Variants in LMO2 observed in about 807,000 individuals in gnomAD.
The protein encoded by LMO2 is rhombotin-2.
In LMO2, 20 loss-of-function variants were observed where a neutral mutation model predicts 23.2. The ratio of observed to expected loss-of-function variants is 0.86; its 90% CI spans 0.61 to 1.25. The LOEUF (loss-of-function observed/expected upper bound fraction) is 1.25, where lower values mean the gene tolerates loss of function less well. Among genes scored for constraint, LMO2 ranks in the 50% most tolerant of loss-of-function variants. LMO2 has a pLI of 0.00. For missense variants in LMO2, 270 were observed against 315.3 expected, an observed-to-expected ratio of 0.86 and a Z score of 1.09; for synonymous variants, 123 against 130.2, an observed-to-expected ratio of 0.94 and a Z score of 0.38.
chr11:33,886,774 C>T (rs993145314), intron 1 of LMO2, among the ~76,000 whole-genome samples: 7 of 152,142 alleles, frequency 4.6e-5, no homozygotes, highest in Non-Finnish European at 8.8e-5. Flanking sequence ...TTGTCTTGCT[C>T]CAAGATCCAC....
intron 2 of LMO2, 97 bp from the exon 3 acceptor site, chr11:33,870,084 TTTTTTA>T: frequency 2.2e-6 from 1 of 444,866 alleles, no homozygotes; most frequent in Non-Finnish European, 3.0e-6. Flanking sequence ...TTTTTTTTTT[TTTTTTA>T]AACGGGGCTC....
intron 1 of LMO2, among the ~76,000 whole-genome samples, chr11:33,882,154 CT>C (rs953593670): frequency 1.1e-4 from 16 of 149,728 alleles, no homozygotes; most frequent in Admixed American, 2.0e-4. Context: ...CTGCCGACTT[CT>C]TTTTTTTTTC....
Position 33,864,179 on chromosome 11 carries a change from T to G in LMO2, c.464+423A>C, listed in dbSNP as rs1856686170. Among the ~76,000 whole-genome samples, 1 of 152,186 alleles carries G rather than the reference T, an allele frequency of 6.6e-6. No homozygotes were observed. Among genetic ancestry groups the G allele is most frequent in the Non-Finnish European group, 1.5e-5 (1 of 68,044 alleles). The stretch of plus-strand genomic sequence containing the variant: ...AATACTGGAGTCATACAAAAAAAAT[T>G]TATAACATACATATATGTTCTGAAG... On this transcript the variant is annotated intron_variant, in intron 5 of 5. Coordinates refer to ENST00000257818, the MANE Select transcript of LMO2 (RefSeq NM_005574.4). This position sits in a 1 kb window ranked among gnomAD's most constrained non-coding sequence, Gnocchi z 4.8.
chr11:33,858,687 A>C lies in LMO2; in HGVS notation c.*669T>G. 5.2e-6 allele frequency: 1 copy of C among 191,668 alleles called. No individual in the cohort carries two copies. Among genetic ancestry groups the C allele is most frequent in the Non-Finnish European group, 1.1e-5 (1 of 91,762 alleles). 11.9% of individuals were successfully genotyped at this position (191,668 alleles called of 1,614,324 possible). A position where few individuals can be genotyped will look rare whatever the true frequency, so the allele number is the denominator to read the frequency against. ...ATAGTTGAACAACTTTTTAAGATTT[A>C]TATTTGTATAGAAACAATCTGTGGA... is the stretch of plus-strand genomic sequence containing the variant. On this transcript the variant is annotated 3_prime_UTR_variant, in exon 6 of 6. Transcript: ENST00000257818.
At position 33,869,538 on chromosome 11, in the gene LMO2, T is replaced by C. The variant is rs2133698679; in HGVS notation, c.56A>G (p.Glu19Gly). 7.9e-7 allele frequency: 1 copy of C among 1,259,546 alleles called. No homozygotes were observed. The highest frequency in any genetic ancestry group is 1.0e-6 in the Non-Finnish European group (1 of 991,850). 78.0% of individuals were successfully genotyped at this position (1,259,546 alleles called of 1,614,324 possible). The stretch of plus-strand genomic sequence containing the variant: ...CCTGCGCCTCCGCTTGCTCCGGCGC[T>C]CCGCCGGCGAGCTCGCCCCTCCGCG... ...LERGGASSPA[E>G]RRSKRRRRSG... The change falls in exon 4 of 6, where the codon GAG (glutamate) becomes GGG (glycine). Residue 19 changes from glutamate to glycine, a missense_variant. This residue lies in a region of LMO2 where 170 missense variants were observed against 162.0 expected (regional missense o/e 1.05). Transcript: ENST00000257818.
intron 1 of LMO2, 131 bp from the exon 2 acceptor site, chr11:33,882,018 C>A (rs930523812): frequency 2.0e-5 from 3 of 152,342 alleles, no homozygotes; most frequent in Non-Finnish European, 2.9e-5. Flanking sequence ...GGGAAAAAGA[C>A]CCCCAGGGCT....
chr11:33,890,239 C>G (rs944939890), intron 1 of LMO2, among the ~76,000 whole-genome samples: 1 of 151,630 alleles, frequency 6.6e-6, no homozygotes, highest in Admixed American at 6.5e-5. Context: ...GTGATAGATA[C>G]CAATAGATAT....
At chr11:33,865,137 G>T in intron 4 of LMO2, 1 of 416,776 alleles carries the variant, frequency 2.4e-6, no homozygotes, top group Non-Finnish European at 4.5e-6. Context: ...GTCTCCTTCT[G>T]CTTTTTCCCA....
At chr11:33,890,387 C>T (rs1055146975) in intron 1 of LMO2, among the ~76,000 whole-genome samples, 2 of 152,224 alleles carry the variant, frequency 1.3e-5, no homozygotes, top group Middle Eastern at 3.4e-3. Context: ...TGGAGTTTCT[C>T]GTCACCCAGG....
At chr11:33,871,105 T>G in intron 2 of LMO2, 1 of 980,438 alleles carries the variant, frequency 1.0e-6, no homozygotes, top group Non-Finnish European at 1.2e-6. Flanking sequence ...TGTTCCCATT[T>G]TAAGGATAAC....
In LMO2 at chr11:33,869,824, C is replaced by T. The variant is rs1183634211; in HGVS notation, c.-108G>A. The T allele has an allele frequency of 2.4e-5, 26 of 1,082,740 alleles. No homozygotes were observed. Among genetic ancestry groups the T allele is most frequent in the Non-Finnish European group, 2.9e-5 (26 of 893,962 alleles). 67.1% of individuals were successfully genotyped at this position (1,082,740 alleles called of 1,614,324 possible). ...GCCCGGCCGCCCGGAGCCCCTCGCA[C>T]CTTCGGCCCGGGTCGCGGCGCGCTG... On this transcript the variant is annotated 5_prime_UTR_variant, in exon 3 of 6. It adds an upstream start codon to the 5' untranslated region. Coordinates refer to ENST00000257818, the MANE Select transcript of LMO2 (RefSeq NM_005574.4).
At chr11:33,870,489 G>T in intron 2 of LMO2, 1 of 980,308 alleles carries the variant, frequency 1.0e-6, no homozygotes, top group South Asian at 4.7e-5. Flanking sequence ...TGCGGGCTCC[G>T]GGCTGCGGGC....
intron 1 of LMO2, 85 bp downstream of exon 1, chr11:33,891,710 A>G (rs968001193): frequency 6.6e-6 from 1 of 152,158 alleles, no homozygotes; most frequent in Admixed American, 6.5e-5. Flanking sequence ...GACCAATTTA[A>G]TCACCACTTC....
Position 33,869,562 on chromosome 11 carries a change from C to A in LMO2, c.32G>T (p.Arg11Leu). The A allele has an allele frequency of 7.7e-7, 1 of 1,295,348 alleles. No homozygotes were observed. Among genetic ancestry groups the A allele is most frequent in the Non-Finnish European group, 9.9e-7 (1 of 1,008,934 alleles). 80.2% of individuals were successfully genotyped at this position (1,295,348 alleles called of 1,614,324 possible). The change falls in exon 4 of 6, where the codon CGC becomes CTC. Residue 11 changes from arginine to leucine, a missense_variant. Arg to Leu is a moderately radical substitution (Grantham distance 102). This residue lies in a region of LMO2 where 170 missense variants were observed against 162.0 expected (regional missense o/e 1.05). Coordinates refer to ENST00000257818, the MANE Select transcript of LMO2 (RefSeq NM_005574.4). ...CTCCGCCGGCGAGCTCGCCCCTCCGCGCTCAAGGACAGTCACCGCGCTCCC... is the reference window on the plus strand; with the variant it reads ...CTCCGCCGGCGAGCTCGCCCCTCCGAGCTCAAGGACAGTCACCGCGCTCCC... MEGSAVTVLE[R>L]GGASSPAERR...
chr11:33,889,868 A>G (rs538866771), intron 1 of LMO2, among the ~76,000 whole-genome samples: 14 of 152,352 alleles, frequency 9.2e-5, no homozygotes, highest in African/African-American at 2.9e-4. Context: ...ACTAGTCACA[A>G]TAGCAAAGAT....
At chr11:33,860,438 G>A (rs1391919026) in intron 5 of LMO2, among the ~76,000 whole-genome samples, 4 of 152,122 alleles carry the variant, frequency 2.6e-5, no homozygotes, top group Non-Finnish European at 2.9e-5. Flanking sequence ...TGGGACCAGC[G>A]ACATCAGCAC....
At chr11:33,878,047 G>A (rs994602835) in intron 2 of LMO2, among the ~76,000 whole-genome samples, 3 of 152,144 alleles carry the variant, frequency 2.0e-5, no homozygotes, top group African/African-American at 7.2e-5. Flanking sequence ...CCATCCACAA[G>A]TTGCTTAACC....
chr11:33,883,674 C>T (rs546489919), intron 1 of LMO2, among the ~76,000 whole-genome samples: 1 of 152,252 alleles, frequency 6.6e-6, no homozygotes, highest in South Asian at 2.1e-4. Context: ...TATCTGGAAA[C>T]TTCCTTTGTT....
chr11:33,859,104 T>C lies in LMO2; in HGVS notation c.*252A>G, dbSNP rs1408069185. 4 of 479,024 alleles carry C rather than the reference T, an allele frequency of 8.4e-6. No individual in the cohort carries two copies. The South Asian group carries it at 1.0e-4, about 12-fold the overall frequency. The allele number at this position is 479,024 out of a possible 1,614,324, so 29.7% of individuals were successfully genotyped here. ...AAATGTTCCTTTCTTCTGCTAATCA[T>C]GTCAGTTACTATGGATGGGCTGTGG... is the stretch of plus-strand genomic sequence containing the variant. On this transcript the variant is annotated 3_prime_UTR_variant, in exon 6 of 6. Transcript: ENST00000257818.
Sources: gnomAD v4.1 joint callset for allele counts (sites outside exome capture counted in the v4.1 genomes callset) on GRCh38, gnomAD v4.1.1 for gene constraint, gnomAD v4.1.1 regional missense constraint, Gnocchi (gnomAD v3.1) non-coding constraint, MANE v1.5 for transcripts, NCBI Gene and HGNC (gene_info 2026-07-23, HGNC 2026-07-21) for gene names.